The following SGCE variants were observed in gnomAD, a reference collection of about 807,000 sequenced individuals.
SGCE encodes sarcoglycan epsilon.
In SGCE, 26 loss-of-function variants were observed where a neutral mutation model predicts 57.8. That is an observed-to-expected ratio of 0.45 (90% CI 0.33 to 0.62). The LOEUF (loss-of-function observed/expected upper bound fraction) is 0.62, where lower values mean the gene tolerates loss of function less well. SGCE is among the 20% of genes least tolerant of loss of function. SGCE has a pLI of 0.02. For synonymous variants in SGCE, 183 were observed against 189.5 expected, an observed-to-expected ratio of 0.97 and a Z score of 0.28; for missense variants, 468 against 548.6, an observed-to-expected ratio of 0.85 and a Z score of 1.47.
chr7:94,605,538 A>C (rs1039073142), intron 5 of SGCE, among the ~76,000 whole-genome samples: 1 of 152,186 alleles, frequency 6.6e-6, no homozygotes, highest in African/African-American at 2.4e-5. Context: ...GAGATGAGGG[A>C]AAGACAGGGA....
At chr7:94,638,824 A>C (rs995569806) in intron 1 of SGCE, among the ~76,000 whole-genome samples, 1 of 152,166 alleles carries the variant, frequency 6.6e-6, no homozygotes, top group Non-Finnish European at 1.5e-5. Context: ...AGGATCAATC[A>C]ATCATTTACA....
chr7:94,628,400 T>C (rs1804108095), intron 2 of SGCE, 41 bp from the exon 3 acceptor site: 1 of 1,505,152 alleles, frequency 6.6e-7, no homozygotes, highest in African/African-American at 1.4e-5. Flanking sequence ...GACAGTTATT[T>C]TCACACATGT....
chr7:94,651,883 T>A (rs1183953521), intron 1 of SGCE, among the ~76,000 whole-genome samples: 1 of 152,154 alleles, frequency 6.6e-6, no homozygotes, highest in East Asian at 1.9e-4. Context: ...CAGAAACATA[T>A]TCACTTGAAA....
At chr7:94,648,831 T>C (rs985950734) in intron 1 of SGCE, among the ~76,000 whole-genome samples, 1 of 152,266 alleles carries the variant, frequency 6.6e-6, no homozygotes, top group Non-Finnish European at 1.5e-5. Context: ...TATACTTCCA[T>C]GCATACTGCT....
chr7:94,655,164 G>A (rs570000944), intron 1 of SGCE, among the ~76,000 whole-genome samples: 2 of 152,366 alleles, frequency 1.3e-5, no homozygotes, highest in African/African-American at 4.8e-5. Flanking sequence ...CAAGATTTAG[G>A]AAAATGTAAC....
chr7:94,610,946 A>G (rs1216654022), intron 5 of SGCE, among the ~76,000 whole-genome samples: 2 of 152,216 alleles, frequency 1.3e-5, no homozygotes, highest in Non-Finnish European at 2.9e-5. Flanking sequence ...AACCACAATG[A>G]GATACCACTT....
At chr7:94,588,632 A>C (rs750224709) in intron 10 of SGCE, 57 bp downstream of exon 10, 1 of 1,556,868 alleles carries the variant, frequency 6.4e-7, no homozygotes, top group East Asian at 2.3e-5. Flanking sequence ...TGCCATAATT[A>C]TCTTTTAATC....
intron 9 of SGCE, 49 bp from the exon 10 acceptor site, chr7:94,588,781 T>G: frequency 6.2e-7 from 1 of 1,611,268 alleles, no homozygotes; most frequent in Non-Finnish European, 8.5e-7. Flanking sequence ...TACACACTTG[T>G]AAACAGAGAG....
chr7:94,597,530 G>C (rs2116657089), intron 9 of SGCE: 1 of 151,814 alleles, frequency 6.6e-6, no homozygotes, highest in East Asian at 1.9e-4. Flanking sequence ...TATCCTAAGG[G>C]GTGTGTATGT....
intron 1 of SGCE, among the ~76,000 whole-genome samples, chr7:94,645,105 C>T (rs1003058335): frequency 3.3e-5 from 5 of 152,126 alleles, no homozygotes; most frequent in African/African-American, 1.2e-4. Flanking sequence ...GAATTTTTAA[C>T]CCATTTCGTG....
Position 94,598,647 on chromosome 7 carries a change from A to C in SGCE, c.1253+128T>G, listed in dbSNP as rs1312356741. On this transcript the variant is annotated intron_variant, in intron 9 of 10. Coordinates refer to ENST00000648936, the MANE Select transcript of SGCE (RefSeq NM_003919.3). Reference sequence around the variant, plus strand: ...GGAGAGTAGGGGTGAGATTTACACAATGTCCTTTTGTTATTTTCTCTTCCA... The same window carrying C: ...GGAGAGTAGGGGTGAGATTTACACACTGTCCTTTTGTTATTTTCTCTTCCA... 6.5e-6 allele frequency: 5 copies of C among 774,734 alleles called. No individual in the cohort carries two copies. In the East Asian group the frequency reaches 1.3e-4, roughly 20 times the overall value. The allele number at this position is 774,734 out of a possible 1,614,324, so 48.0% of individuals were successfully genotyped here. A position where few individuals can be genotyped will look rare whatever the true frequency, so the allele number is the denominator to read the frequency against.
intron 1 of SGCE, among the ~76,000 whole-genome samples, chr7:94,636,529 T>C (rs895392911): frequency 1.3e-5 from 2 of 151,652 alleles, no homozygotes; most frequent in Non-Finnish European, 1.5e-5. Context: ...AACTAGAAAA[T>C]AGAAAAAAGG....
chr7:94,625,469 T>A (rs1479690095), intron 3 of SGCE: 1 of 152,088 alleles, frequency 6.6e-6, no homozygotes, highest in Admixed American at 6.6e-5. Flanking sequence ...ACCATCCCAG[T>A]ACATGTGTTT....
chr7:94,628,204 C>T lies in SGCE; in HGVS notation c.388G>A (p.Glu130Lys). The change falls in exon 3 of 11, where the codon GAG (glutamate) becomes AAG (lysine). Residue 130 changes from glutamate to lysine, a missense_variant and splice_region_variant. Transcript: ENST00000648936. ...TGCTCTTTCTAGGTGTAAATTACCT[C>T]AATGATTGTTGGCTTCCCCACATTT... ...AENVGKPTII[E>K]ITAYNRRTFE... 6.2e-7 allele frequency: 1 copy of T among 1,609,970 alleles called. No homozygotes were observed. Among genetic ancestry groups the T allele is most frequent in the Non-Finnish European group, 8.5e-7 (1 of 1,177,366 alleles).
chr7:94,655,902 G>A, intron 1 of SGCE, 88 bp downstream of exon 1: 1 of 792,502 alleles, frequency 1.3e-6, no homozygotes, highest in South Asian at 1.4e-5. Flanking sequence ...CCCAAAGGGC[G>A]CGCTCAGGCG....
At chr7:94,623,246 G>T in intron 4 of SGCE, 79 bp downstream of exon 4, 2 of 861,702 alleles carry the variant, frequency 2.3e-6, no homozygotes, top group South Asian at 1.7e-5. Context: ...TAAAATTCTT[G>T]ACTATATTTT....
chr7:94,627,342 T>C (rs1562861895), intron 3 of SGCE: 1 of 152,054 alleles, frequency 6.6e-6, no homozygotes, highest in Non-Finnish European at 1.5e-5. Context: ...TGTTTTGTTG[T>C]TGTTAATTTC....
At chr7:94,590,278 T>C (rs995591394) in intron 9 of SGCE, among the ~76,000 whole-genome samples, 3 of 152,162 alleles carry the variant, frequency 2.0e-5, no homozygotes, top group African/African-American at 7.2e-5. Flanking sequence ...TTATTTTTAA[T>C]TAAAAAAATC....
At chr7:94,604,395 T>C (rs1248699314) in intron 5 of SGCE, among the ~76,000 whole-genome samples, 1 of 151,522 alleles carries the variant, frequency 6.6e-6, no homozygotes. Flanking sequence ...AGGAAGTTCA[T>C]AGCACCCAGA....
Sources: gnomAD v4.1 joint callset for allele counts (sites outside exome capture counted in the v4.1 genomes callset) on GRCh38, gnomAD v4.1.1 for gene constraint, MANE v1.5 for transcripts, NCBI Gene and HGNC (gene_info 2026-07-23, HGNC 2026-07-21) for gene names.